The following ZNF599 variants were observed in gnomAD, a reference collection of about 807,000 sequenced individuals.
ZNF599 encodes zinc finger protein 599.
ZNF599 carries 10 observed loss-of-function variants against 11.7 expected under a neutral mutation model. That is an observed-to-expected ratio of 0.86 (90% CI 0.53 to 1.45). The LOEUF (loss-of-function observed/expected upper bound fraction) is 1.45. Among genes scored for constraint, ZNF599 ranks in the 40% most tolerant of loss-of-function variants. ZNF599 has a pLI of 0.00. For synonymous variants in ZNF599, 232 were observed against 253.2 expected, an observed-to-expected ratio of 0.92 and a Z score of 0.79; for missense variants, 688 against 713.6, an observed-to-expected ratio of 0.96 and a Z score of 0.41.
chr19:34,759,662 G>A lies in ZNF599; in HGVS notation c.1139C>T (p.Ser380Leu), dbSNP rs762755192. The A allele has an allele frequency of 1.1e-5, 17 of 1,614,102 alleles. No homozygotes were observed. The Admixed American group carries it at 1.2e-4, about 11-fold the overall frequency. The change falls in exon 4 of 4, where the codon TCA (serine) becomes TTA (leucine). Residue 380 changes from serine to leucine, a missense_variant. Transcript: ENST00000329285. ...AATCCTCATGTGCTGAGTGAAGGAT[G>A]AGTTGAGGCAAAAGGTTTTTCCACA... ...KECGKTFCLN[S>L]SFTQHMRIHT... is the part of the protein sequence containing the mutation.
chr19:34,780,354 A>G, the ZNF599 span, among the ~76,000 whole-genome samples: 3 of 152,010 alleles, frequency 2.0e-5, no homozygotes, highest in East Asian at 1.9e-4. Context: ...CAAAAAAATT[A>G]AAAAATAAGC....
At chr19:34,780,675 A>AG in the ZNF599 span, among the ~76,000 whole-genome samples, 1 of 120,408 alleles carries the variant, frequency 8.3e-6, no homozygotes, top group African/African-American at 3.1e-5. Flanking sequence ...GAAGGAAGGA[A>AG]GGGGGAGGGA....
chr19:34,781,119 G>A, the ZNF599 span, among the ~76,000 whole-genome samples: 2 of 151,346 alleles, frequency 1.3e-5, no homozygotes, highest in African/African-American at 2.4e-5. Context: ...TAGCGCCACT[G>A]TACTCCAGCC....
At chr19:34,779,243 CTTTTTTTTT>C in the ZNF599 span, among the ~76,000 whole-genome samples, 20 of 57,318 alleles carry the variant, frequency 3.5e-4, no homozygotes, top group Admixed American at 1.0e-3. Flanking sequence ...CCATGCCCAG[CTTTTTTTTT>C]TTTTTTTTTT....
the ZNF599 span, among the ~76,000 whole-genome samples, chr19:34,790,341 T>A: frequency 2.0e-5 from 3 of 152,006 alleles, no homozygotes; most frequent in Admixed American, 1.3e-4. Flanking sequence ...AATGGATGAA[T>A]GAACACAGGA....
the ZNF599 span, among the ~76,000 whole-genome samples, chr19:34,794,719 C>A: frequency 7.2e-5 from 11 of 152,030 alleles, no homozygotes; most frequent in African/African-American, 2.7e-4. Flanking sequence ...TACAAGCATG[C>A]ATCACTATGT....
At chr19:34,798,277 C>T in the ZNF599 span, among the ~76,000 whole-genome samples, 9 of 152,318 alleles carry the variant, frequency 5.9e-5, no homozygotes, top group African/African-American at 2.2e-4. Flanking sequence ...ATCAGATGTG[C>T]TCATTGCTAC....
upstream of ZNF599, among the ~76,000 whole-genome samples, chr19:34,776,978 C>T (rs1310389710): frequency 6.6e-6 from 1 of 151,954 alleles, no homozygotes; most frequent in Non-Finnish European, 1.5e-5. Context: ...CAATGGTAAA[C>T]TGACATGGCA....
the ZNF599 span, among the ~76,000 whole-genome samples, chr19:34,796,094 T>G: frequency 6.6e-6 from 1 of 152,206 alleles, no homozygotes; most frequent in African/African-American, 2.4e-5. Flanking sequence ...GTGCTGGTTT[T>G]ACAGGCGTGA....
upstream of ZNF599, among the ~76,000 whole-genome samples, chr19:34,777,154 AG>A (rs2069219197): frequency 6.7e-6 from 1 of 149,570 alleles, no homozygotes; most frequent in African/African-American, 2.5e-5. Flanking sequence ...GGTGAGGTGA[AG>A]AATTCTTAGA....
the ZNF599 span, among the ~76,000 whole-genome samples, chr19:34,795,108 C>T: frequency 6.6e-6 from 1 of 152,112 alleles, no homozygotes; most frequent in African/African-American, 2.4e-5. Context: ...ACAGACTTTA[C>T]TAAGAGGTTA....
the ZNF599 span, among the ~76,000 whole-genome samples, chr19:34,795,830 T>C: frequency 6.6e-6 from 1 of 152,150 alleles, no homozygotes; most frequent in East Asian, 1.9e-4. Flanking sequence ...TCTTTTTCTT[T>C]TTCTTTTTGA....
intron 1 of ZNF599, among the ~76,000 whole-genome samples, chr19:34,770,342 T>C (rs1032448561): frequency 2.0e-5 from 3 of 152,222 alleles, no homozygotes; most frequent in African/African-American, 7.2e-5. Flanking sequence ...TACTCCTCCA[T>C]CACCACAGTG....
Position 34,758,832 on chromosome 19 carries a change from ATTCTTTGGATGACAAGTG to A in ZNF599, c.*184_*201del. On this transcript the variant is annotated 3_prime_UTR_variant, in exon 4 of 4. Coordinates refer to ENST00000329285, the MANE Select transcript of ZNF599 (RefSeq NM_001007248.3). ...CTAAACTGGGTGAATCTTTAATATA[ATTCTTTGGATGACAAGTG>A]ATTACCTGCCATAAAAAGATTTCAC... The A allele has an allele frequency of 1.7e-6, 1 of 579,244 alleles. No individual in the cohort carries two copies. The highest frequency in any genetic ancestry group is 3.0e-6 in the Non-Finnish European group (1 of 334,538). The allele number at this position is 579,244 out of a possible 1,614,324, so 35.9% of individuals were successfully genotyped here. A position where few individuals can be genotyped will look rare whatever the true frequency, so the allele number is the denominator to read the frequency against.
chr19:34,766,049 G>T (rs947124063), intron 3 of ZNF599, among the ~76,000 whole-genome samples: 1 of 152,160 alleles, frequency 6.6e-6, no homozygotes, highest in African/African-American at 2.4e-5. Context: ...TCCACTCATT[G>T]AAAGAGGCAT....
At chr19:34,772,574 G>T in intron 1 of ZNF599, 1 of 1,339,266 alleles carries the variant, frequency 7.5e-7, no homozygotes. Flanking sequence ...TGGAGGCCGA[G>T]GGCAGCGAGG....
intron 1 of ZNF599, among the ~76,000 whole-genome samples, chr19:34,771,107 T>C (rs951170966): frequency 1.3e-5 from 2 of 152,158 alleles, no homozygotes; most frequent in African/African-American, 4.8e-5. Flanking sequence ...AGCCCATCTC[T>C]ACAAAAAATA....
At chr19:34,763,614 G>A (rs983820554) in intron 3 of ZNF599, 1 of 152,152 alleles carries the variant, frequency 6.6e-6, no homozygotes, top group African/African-American at 2.4e-5. Context: ...TTAGACTTGC[G>A]GCCTCTAGAC....
intron 1 of ZNF599, chr19:34,772,245 C>T: frequency 1.1e-6 from 1 of 880,230 alleles, no homozygotes; most frequent in Non-Finnish European, 1.4e-6. Context: ...AAGCCAGATT[C>T]ATTTGTAATA....
Sources: allele counts gnomAD v4.1 joint callset (sites outside exome capture counted in the v4.1 genomes callset), GRCh38; gene constraint gnomAD v4.1.1; transcripts MANE v1.5; gene names NCBI Gene and HGNC (gene_info 2026-07-23, HGNC 2026-07-21).